Variants in LMX1B observed in about 807,000 individuals in gnomAD.
LMX1B encodes LIM homeobox transcription factor 1 beta.
A neutral mutation model predicts 51.4 loss-of-function variants in LMX1B; 12 were observed. The observed-to-expected ratio is 0.23, with a 90% CI of 0.15 to 0.38. LMX1B has a LOEUF of 0.38. Ranked by LOEUF, LMX1B falls within the 10% of genes least tolerant of loss-of-function variation. The pLI is 1.00. For missense variants in LMX1B, 445 were observed against 571.1 expected (o/e 0.78, Z 2.25); for synonymous variants, 237 against 235.4 (o/e 1.01, Z -0.06).
rs935499505 is a variant in LMX1B at position 126,671,917 on chromosome 9, C to G, written c.327-18919C>G. Among the ~76,000 whole-genome samples, 6 of 152,262 alleles carry G rather than the reference C, an allele frequency of 3.9e-5. No individual in the cohort carries two copies. Among genetic ancestry groups the G allele is most frequent in the Non-Finnish European group, 8.8e-5 (6 of 68,048 alleles). The stretch of plus-strand genomic sequence containing the variant: ...TAGAGGTCGGCATTCTCCACCACCC[C>G]CTTCTCCTGGACTGGGGCTTCCAAG... On this transcript the variant is annotated intron_variant, in intron 2 of 7. Transcript: ENST00000373474. This position sits in a 1 kb window ranked among gnomAD's most constrained non-coding sequence, Gnocchi z 4.4.
intron 2 of LMX1B, among the ~76,000 whole-genome samples, chr9:126,646,228 G>A (rs1469936220): frequency 6.6e-6 from 1 of 152,128 alleles, no homozygotes; most frequent in African/African-American, 2.4e-5. Flanking sequence ...CAAGAGGGAA[G>A]TCTGCGTATC....
chr9:126,647,757 G>GGGAAGCCCAGGGATGTTAGC (rs1035187445), intron 2 of LMX1B, among the ~76,000 whole-genome samples: 1 of 152,242 alleles, frequency 6.6e-6, no homozygotes, highest in African/African-American at 2.4e-5. Context: ...TAGCTTCTTG[G>GGGAAGCCCAGGGATGTTAGC]GGAAGCCCAG....
rs1042388227 is a variant in LMX1B, at chr9:126,614,048, C to A, written c.-402C>A. ...CCCGGGACCCCGCTGCGCCGCGCGC[C>A]CCCCCCGCGGCCCGCGGGGCCGCCC... On this transcript the variant is annotated 5_prime_UTR_variant, in exon 1 of 8. Transcript: ENST00000373474. Among the ~76,000 whole-genome samples, 2 of 134,274 alleles carry A rather than the reference C, an allele frequency of 1.5e-5. No individual in the cohort carries two copies. The highest frequency in any genetic ancestry group is 2.2e-4 in the East Asian group (1 of 4,452). The allele number at this position is 134,274 out of a possible 152,430, so 88.1% of individuals were successfully genotyped here.
chr9:126,676,085 T>A (rs1213983220), intron 2 of LMX1B, among the ~76,000 whole-genome samples: 1 of 151,802 alleles, frequency 6.6e-6, no homozygotes, highest in Non-Finnish European at 1.5e-5. Context: ...AGACAGTGTG[T>A]AAGACCCTGC....
chr9:126,619,096 T>A (rs1304509312), intron 2 of LMX1B, among the ~76,000 whole-genome samples: 1 of 152,182 alleles, frequency 6.6e-6, no homozygotes, highest in Non-Finnish European at 1.5e-5. Flanking sequence ...TGTGCCTACG[T>A]TGGCAGCAGG....
At position 126,696,540 on chromosome 9, in the gene LMX1B, C is replaced by A; in HGVS notation, c.*89C>A. On this transcript the variant is annotated 3_prime_UTR_variant, in exon 8 of 8. Transcript: ENST00000373474. ...AGCCTGGCCACCCCCGCCCTGCTCT[C>A]CGCACAGACTACAGACAGCCATACG... 6.8e-7 allele frequency: 1 copy of A among 1,478,368 alleles called. No individual in the cohort carries two copies. Among genetic ancestry groups the A allele is most frequent in the Non-Finnish European group, 9.4e-7 (1 of 1,062,796 alleles). The allele number at this position is 1,478,368 out of a possible 1,614,324, so 91.6% of individuals were successfully genotyped here.
At chr9:126,623,153 C>A (rs1403599026) in intron 2 of LMX1B, among the ~76,000 whole-genome samples, 1 of 152,228 alleles carries the variant, frequency 6.6e-6, no homozygotes, top group African/African-American at 2.4e-5. Flanking sequence ...CTTGCCCACC[C>A]TTCTGTTCCT....
rs886321818 is a variant in LMX1B at position 126,615,001 on chromosome 9, G to A, written c.140-382G>A. Among the ~76,000 whole-genome samples, 9 of 152,232 alleles carry A rather than the reference G, an allele frequency of 5.9e-5. No individual in the cohort carries two copies. The highest frequency in any genetic ancestry group is 2.2e-4 in the African/African-American group (9 of 41,552). ...GATTTTGGGGAGATCGGGGATAGAA[G>A]ACCACGAACGCCACCGTGGGGCGTG... On this transcript the variant is annotated intron_variant, in intron 1 of 7. Transcript: ENST00000373474. This position sits in a 1 kb window ranked among gnomAD's most constrained non-coding sequence, Gnocchi z 6.0.
chr9:126,693,483 G>A, intron 4 of LMX1B, 41 bp from the exon 5 acceptor site: 2 of 1,605,046 alleles, frequency 1.2e-6, no homozygotes. Flanking sequence ...CCCCGTTGCT[G>A]CCCCTGGAGG....
At chr9:126,631,386 G>A (rs565339669) in intron 2 of LMX1B, among the ~76,000 whole-genome samples, 88 of 152,328 alleles carry the variant, frequency 5.8e-4, no homozygotes, top group African/African-American at 1.9e-3. Flanking sequence ...GGGAGTGCTC[G>A]TGGCAGGAGG....
rs1564143051 is a variant in LMX1B at position 126,614,097 on chromosome 9, CCTGCCGCCGCCGCCACCGCCA to C, written c.-351_-331del. 7.1e-6 allele frequency among the ~76,000 whole-genome samples: 1 copy of C among 141,098 alleles called. No individual in the cohort carries two copies. The highest frequency in any genetic ancestry group is 2.5e-5 in the African/African-American group (1 of 39,460). The allele number at this position is 141,098 out of a possible 152,430, so 92.6% of individuals were successfully genotyped here. A position where few individuals can be genotyped will look rare whatever the true frequency, so the allele number is the denominator to read the frequency against. On this transcript the variant is annotated 5_prime_UTR_variant, in exon 1 of 8. Coordinates refer to ENST00000373474, the MANE Select transcript of LMX1B (RefSeq NM_001174147.2). ...CCCTGCACCCCCACCCCCTCCCCCG[CCTGCCGCCGCCGCCACCGCCA>C]CCGCCGCCGCCGCCTCCTCCCCGCG...
chr9:126,680,818 C>T (rs1836656757), intron 2 of LMX1B, among the ~76,000 whole-genome samples: 1 of 152,198 alleles, frequency 6.6e-6, no homozygotes, highest in South Asian at 2.1e-4. Context: ...AGGTAAAGCC[C>T]TTCGCACAGT....
At chr9:126,682,457 C>A (rs1836693510) in intron 2 of LMX1B, among the ~76,000 whole-genome samples, 1 of 152,162 alleles carries the variant, frequency 6.6e-6, no homozygotes, top group East Asian at 1.9e-4. Flanking sequence ...TAAAATAGAT[C>A]AGTGTTACTG....
chr9:126,693,418 T>A (rs778077325), intron 4 of LMX1B, 95 bp downstream of exon 4: 19 of 1,538,246 alleles, frequency 1.2e-5, no homozygotes, highest in Non-Finnish European at 1.7e-5. Context: ...GGTAGGGACA[T>A]CCCTCCATCC....
rs557134533 is a variant in LMX1B at position 126,664,936 on chromosome 9, C to G, written c.327-25900C>G. ...CCTGACCTTGACCAAAGTAATTCAG[C>G]TTCCTGAGCCTCAGTTTCTCTACCT... On this transcript the variant is annotated intron_variant, in intron 2 of 7. Coordinates refer to ENST00000373474, the MANE Select transcript of LMX1B (RefSeq NM_001174147.2). Among the ~76,000 whole-genome samples, 19 of 152,344 alleles carry G rather than the reference C, an allele frequency of 1.2e-4. No homozygotes were observed. In the South Asian group the frequency reaches 3.1e-3, roughly 25 times the overall value.
At chr9:126,661,249 G>A (rs1039758094) in intron 2 of LMX1B, among the ~76,000 whole-genome samples, 3 of 125,006 alleles carry the variant, frequency 2.4e-5, no homozygotes, top group Non-Finnish European at 5.4e-5. Context: ...CACGCAGGGC[G>A]ACCTCCCAGG....
intron 2 of LMX1B, among the ~76,000 whole-genome samples, chr9:126,637,157 AC>A (rs1238153965): frequency 1.3e-5 from 2 of 152,260 alleles, no homozygotes; most frequent in Non-Finnish European, 2.9e-5. Context: ...TGAGCTGATC[AC>A]AGGCAGTGGT....
At chr9:126,691,304 A>G (rs2118987916) in intron 3 of LMX1B, among the ~76,000 whole-genome samples, 1 of 152,250 alleles carries the variant, frequency 6.6e-6, no homozygotes, top group South Asian at 2.1e-4. Context: ...ATACATATAA[A>G]CATATGTGTG....
At chr9:126,670,166 C>T (rs1244172037) in intron 2 of LMX1B, among the ~76,000 whole-genome samples, 1 of 152,224 alleles carries the variant, frequency 6.6e-6, no homozygotes, top group Non-Finnish European at 1.5e-5. Flanking sequence ...AGAGCAGTCA[C>T]CTGATGCTGG....
Sources: allele counts gnomAD v4.1 joint callset (sites outside exome capture counted in the v4.1 genomes callset), GRCh38; gene constraint gnomAD v4.1.1; non-coding constraint Gnocchi (gnomAD v3.1); transcripts MANE v1.5; gene names NCBI Gene and HGNC (gene_info 2026-07-23, HGNC 2026-07-21).